NELL2: variants seen among roughly 807,000 people sequenced by gnomAD.
NELL2 encodes the protein neural EGFL like 2, also known as protein kinase C-binding protein NELL2.
A neutral mutation model predicts 109.6 loss-of-function variants in NELL2; 41 were observed. That is an observed-to-expected ratio of 0.37 (90% CI 0.29 to 0.49). The LOEUF (loss-of-function observed/expected upper bound fraction) is 0.49. NELL2 is among the 20% of genes least tolerant of loss of function. The pLI, the probability that NELL2 is intolerant of heterozygous loss-of-function variation, is 0.98. For synonymous variants in NELL2, 355 were observed against 344.7 expected, an observed-to-expected ratio of 1.03 and a Z score of -0.33; for missense variants, 900 against 1,008.3, an observed-to-expected ratio of 0.89 and a Z score of 1.45.
chr12:44,907,500 G>A (rs1355726160), intron 1 of NELL2, among the ~76,000 whole-genome samples: 3 of 152,108 alleles, frequency 2.0e-5, no homozygotes, highest in African/African-American at 7.2e-5. Context: ...CAATATGGGA[G>A]TAATTGGTTA....
chr12:44,583,256 C>A (rs1191056456), intron 15 of NELL2, among the ~76,000 whole-genome samples: 1 of 152,160 alleles, frequency 6.6e-6, no homozygotes, highest in East Asian at 1.9e-4. Context: ...GTATAAGATT[C>A]AAAGCTCAAA....
At chr12:44,582,246 T>G (rs1399992776) in intron 15 of NELL2, among the ~76,000 whole-genome samples, 1 of 152,124 alleles carries the variant, frequency 6.6e-6, no homozygotes, top group African/African-American at 2.4e-5. Context: ...CTTGCCCTTT[T>G]GAGATTTGTG....
At chr12:44,537,746 A>T (rs1942362251) in intron 15 of NELL2, among the ~76,000 whole-genome samples, 1 of 152,040 alleles carries the variant, frequency 6.6e-6, no homozygotes, top group East Asian at 1.9e-4. Flanking sequence ...TCTCTTGTTG[A>T]GCTTCTGGGA....
chr12:44,876,335 G>C (rs368157567), upstream of NELL2: 1,300 of 1,189,850 alleles, frequency 1.1e-3, 15 homozygotes, highest in South Asian at 0.019. Context: ...TCCGGGAGAC[G>C]CGCGGAGAGA....
At chr12:44,902,490 T>C (rs1316862544) in intron 1 of NELL2, among the ~76,000 whole-genome samples, 1 of 152,164 alleles carries the variant, frequency 6.6e-6, no homozygotes, top group African/African-American at 2.4e-5. Context: ...AAGTAATGTA[T>C]AGATTCAATG....
At chr12:44,526,853 TG>T (rs758748440) in intron 16 of NELL2, among the ~76,000 whole-genome samples, 1 of 152,126 alleles carries the variant, frequency 6.6e-6, no homozygotes, top group Non-Finnish European at 1.5e-5. Context: ...GATATGTGTG[TG>T]GGGGGCTCAG....
intron 9 of NELL2, among the ~76,000 whole-genome samples, chr12:44,751,374 T>C (rs2136527242): frequency 6.6e-6 from 1 of 152,314 alleles, no homozygotes; most frequent in South Asian, 2.1e-4. Flanking sequence ...GTGCTGGAAG[T>C]ATCTGAGCCT....
intron 3 of NELL2, among the ~76,000 whole-genome samples, chr12:44,782,236 T>C (rs1211143163): frequency 6.6e-6 from 1 of 151,804 alleles, no homozygotes; most frequent in African/African-American, 2.4e-5. Context: ...TATAATGGAA[T>C]ACCTACAGCA....
intron 2 of NELL2, among the ~76,000 whole-genome samples, chr12:44,834,192 C>G (rs1446828039): frequency 2.0e-5 from 3 of 152,144 alleles, no homozygotes; most frequent in Non-Finnish European, 4.4e-5. Context: ...ACACTAACAT[C>G]CAATGACTCA....
At chr12:44,781,410 T>G (rs1941953606) in intron 3 of NELL2, among the ~76,000 whole-genome samples, 1 of 151,452 alleles carries the variant, frequency 6.6e-6, no homozygotes, top group Non-Finnish European at 1.5e-5. Context: ...TAACAAAAGA[T>G]CTAACATTTG....
intron 1 of NELL2, among the ~76,000 whole-genome samples, chr12:44,900,303 A>G (rs1945645959): frequency 6.6e-6 from 1 of 152,192 alleles, no homozygotes; most frequent in African/African-American, 2.4e-5. Flanking sequence ...CATCAATAGA[A>G]TATACATTCT....
chr12:44,810,753 T>C (rs937590071), intron 3 of NELL2, among the ~76,000 whole-genome samples: 3 of 151,858 alleles, frequency 2.0e-5, no homozygotes, highest in Non-Finnish European at 2.9e-5. Context: ...TTAATGATAA[T>C]AGTGGCTGCC....
At chr12:44,711,989 T>C (rs74079148) in intron 10 of NELL2, among the ~76,000 whole-genome samples, 4,686 of 152,046 alleles carry the variant, frequency 0.031, 234 homozygotes, top group African/African-American at 0.1. Flanking sequence ...CAATGTAAAA[T>C]CACTGTAGTT....
At chr12:44,745,279 T>G (rs1940269652) in intron 9 of NELL2, among the ~76,000 whole-genome samples, 1 of 152,090 alleles carries the variant, frequency 6.6e-6, no homozygotes, top group African/African-American at 2.4e-5. Flanking sequence ...CCCAATAAAT[T>G]AGATATTGAT....
intron 1 of NELL2, among the ~76,000 whole-genome samples, chr12:44,886,774 T>C (rs193118463): frequency 2.6e-5 from 4 of 152,120 alleles, no homozygotes; most frequent in Admixed American, 2.6e-4. Context: ...TGTCCAATCA[T>C]ATATTTGTAC....
At position 44,723,334 on chromosome 12, in the gene NELL2, C is replaced by T. The variant is rs886443729; in HGVS notation, c.995-8593G>A. On this transcript the variant is annotated intron_variant, in intron 9 of 19. Transcript: ENST00000429094. ...TTTACTATGCAGAGAAAGGGGAAAT[C>T]GAAGAGAAAAATAAAATTAACATTT... 8.5e-5 allele frequency among the ~76,000 whole-genome samples: 13 copies of T among 152,092 alleles called. No individual in the cohort carries two copies. In the South Asian group the frequency reaches 2.5e-3, roughly 29 times the overall value.
intron 1 of NELL2, among the ~76,000 whole-genome samples, chr12:44,913,146 C>T (rs1463692623): frequency 6.6e-6 from 1 of 152,120 alleles, no homozygotes; most frequent in African/African-American, 2.4e-5. Flanking sequence ...TGCACACTTA[C>T]TCTGGGAAAT....
chr12:44,529,323 T>C (rs1355331333), intron 16 of NELL2, among the ~76,000 whole-genome samples: 2 of 152,146 alleles, frequency 1.3e-5, no homozygotes, highest in African/African-American at 4.8e-5. Flanking sequence ...TAAGATGTAG[T>C]TCTGGGCAAC....
chr12:44,860,226 G>A (rs1461722379), intron 2 of NELL2, among the ~76,000 whole-genome samples: 2 of 152,108 alleles, frequency 1.3e-5, no homozygotes, highest in Non-Finnish European at 2.9e-5. Context: ...ATATGACATG[G>A]TAACTGTCAA....
Sources: allele counts gnomAD v4.1 joint callset (sites outside exome capture counted in the v4.1 genomes callset), GRCh38; gene constraint gnomAD v4.1.1; transcripts MANE v1.5; gene names NCBI Gene and HGNC (gene_info 2026-07-23, HGNC 2026-07-21).